The following ERO1B variants were observed in gnomAD, a reference collection of about 807,000 sequenced individuals.
ERO1B encodes the protein ERO1-like protein beta.
In ERO1B, 49 loss-of-function variants were observed where a neutral mutation model predicts 75.3. The observed-to-expected ratio is 0.65, with a 90% CI of 0.52 to 0.83. The LOEUF is 0.83. ERO1B is among the 40% of genes least tolerant of loss of function. The probability of loss-of-function intolerance (pLI) is 0.00; values close to 1 mark genes in which losing one functional copy is unlikely to be tolerated. For missense variants in ERO1B, 512 were observed against 560.1 expected (o/e 0.91, Z 0.87); for synonymous variants, 191 against 192.9 (o/e 0.99, Z 0.08).
chr1:236,281,544 C>A, intron 1 of ERO1B, 138 bp downstream of exon 1: 1 of 553,692 alleles, frequency 1.8e-6, no homozygotes. Flanking sequence ...CTCTGCTCCC[C>A]GGGTTTTCTG....
At chr1:236,233,599 A>AG (rs200961350) in intron 8 of ERO1B, among the ~76,000 whole-genome samples, 3 of 148,698 alleles carry the variant, frequency 2.0e-5, no homozygotes, top group Non-Finnish European at 3.0e-5. Context: ...CTCTGTCTCA[A>AG]GAAAAAAAAA....
intron 15 of ERO1B, among the ~76,000 whole-genome samples, chr1:236,219,858 C>T (rs1664092070): frequency 1.3e-5 from 2 of 151,486 alleles, no homozygotes; most frequent in African/African-American, 4.9e-5. Context: ...CCCATCTCTA[C>T]AAAAAAAATT....
Position 236,251,581 on chromosome 1 carries a change from C to T in ERO1B, c.348+469G>A, listed in dbSNP as rs751811424. 8.5e-5 allele frequency: 39 copies of T among 459,658 alleles called. 1 individual carries two copies. The highest frequency in any genetic ancestry group is 9.4e-5 in the Non-Finnish European group (33 of 349,252). 28.5% of individuals were successfully genotyped at this position (459,658 alleles called of 1,614,324 possible). ...GCAGTAGTGAAAAACAGGAAATAAA[C>T]GGTTCTCTAAAAACATATCAATGGC... On this transcript the variant is annotated intron_variant, in intron 4 of 15. Coordinates refer to ENST00000354619, the MANE Select transcript of ERO1B (RefSeq NM_019891.4).
rs547665943 is a variant in ERO1B, at chr1:236,255,268, T to C, written c.223-1763A>G. ...TTATATTTGCTGTCCTCTCTGCCTG[T>C]ATTATTGCTCCTCCAGATCTTATGA... On this transcript the variant is annotated intron_variant, in intron 2 of 15. Transcript: ENST00000354619. 1.8e-4 allele frequency among the ~76,000 whole-genome samples: 28 copies of C among 152,148 alleles called. No individual in the cohort carries two copies. The Middle Eastern group carries it at 0.014, about 74-fold the overall frequency.
chr1:236,258,697 G>A (rs929866373), intron 2 of ERO1B, among the ~76,000 whole-genome samples: 1 of 152,120 alleles, frequency 6.6e-6, no homozygotes, highest in Non-Finnish European at 1.5e-5. Flanking sequence ...GACCAGCCTG[G>A]CCAACGTGGT....
chr1:236,227,820 G>A (rs570331057), intron 10 of ERO1B, among the ~76,000 whole-genome samples: 20 of 152,056 alleles, frequency 1.3e-4, no homozygotes, highest in African/African-American at 4.3e-4. Context: ...TAATTCTTTT[G>A]AGTTCTCGTT....
intron 4 of ERO1B, 133 bp from the exon 5 acceptor site, chr1:236,250,100 C>T: frequency 2.1e-6 from 1 of 481,952 alleles, no homozygotes; most frequent in Non-Finnish European, 3.5e-6. Flanking sequence ...AAATCCCTAT[C>T]ATATGTAAGA....
chr1:236,221,967 T>G lies in ERO1B; in HGVS notation c.1166A>C (p.Asp389Ala), dbSNP rs963646642. ...LHFKNISRIMDCVGCDKCRLW... is the reference protein window; with the variant it reads ...LHFKNISRIMACVGCDKCRLW... ...TCTGCATTTGTCACATCCAACACAG[T>G]CCATTATACGGGAGATATTCTTGAA... Residue 389 changes from aspartate to alanine, a missense_variant, in exon 14 of 16, where the codon GAC (aspartate) becomes GCC (alanine). By Grantham distance (126) the Asp-to-Ala change is moderately radical. Transcript: ENST00000354619. The G allele has an allele frequency of 1.9e-6, 3 of 1,613,772 alleles. No individual in the cohort carries two copies. In the Admixed American group the frequency reaches 5.0e-5, roughly 27 times the overall value.
intron 1 of ERO1B, chr1:236,281,416 G>A (rs1665825929): frequency 6.0e-6 from 2 of 333,528 alleles, no homozygotes; most frequent in East Asian, 4.6e-5. Context: ...AGGAAAAAAC[G>A]AAAACAGCTC....
At chr1:236,263,732 T>A (rs1665344972) in intron 2 of ERO1B, among the ~76,000 whole-genome samples, 1 of 151,494 alleles carries the variant, frequency 6.6e-6, no homozygotes, top group Non-Finnish European at 1.5e-5. Context: ...TTCCTATATA[T>A]CTTATCTGTT....
intron 2 of ERO1B, among the ~76,000 whole-genome samples, chr1:236,265,324 G>A (rs1665410773): frequency 6.6e-6 from 1 of 152,084 alleles, no homozygotes; most frequent in East Asian, 1.9e-4. Flanking sequence ...CAACATCAAT[G>A]CAAGAATCAT....
intron 15 of ERO1B, among the ~76,000 whole-genome samples, chr1:236,219,979 G>A (rs1558503915): frequency 1.4e-5 from 2 of 141,364 alleles, no homozygotes; most frequent in East Asian, 2.1e-4. Context: ...AGCCATGATT[G>A]TGCCACTGCA....
Position 236,220,877 on chromosome 1 carries a change from TGGA to T in ERO1B, c.1295_1297del (p.Phe432_Gln433delinsTer). The T allele has an allele frequency of 6.3e-7, 1 of 1,598,736 alleles. No homozygotes were observed. Among genetic ancestry groups the T allele is most frequent in the Non-Finnish European group, 8.5e-7 (1 of 1,173,022 alleles). The stretch of plus-strand genomic sequence containing the variant: ...AGCAACTATTTCCTGTCGGGTGAGT[TGGA>T]AGCCTTTAGATGGACTATTCTCTGG... On this transcript the variant is annotated stop_gained and inframe_deletion, in exon 15 of 16. Transcript: ENST00000354619. LOFTEE classifies it high-confidence loss of function.
Position 236,226,830 on chromosome 1 carries a change from A to T in ERO1B, c.713-91T>A, listed in dbSNP as rs946101249. The T allele has an allele frequency of 8.4e-6, 7 of 837,328 alleles. No homozygotes were observed. The African/African-American group carries it at 1.2e-4, about 14-fold the overall frequency. The allele number at this position is 837,328 out of a possible 1,614,324, so 51.9% of individuals were successfully genotyped here. A position where few individuals can be genotyped will look rare whatever the true frequency, so the allele number is the denominator to read the frequency against. Reference sequence around the variant, plus strand: ...GGTTCAGTATGTAGGCTTATTTTTGATTGAAGAACATTAAAATAAATCAAG... The same window carrying T: ...GGTTCAGTATGTAGGCTTATTTTTGTTTGAAGAACATTAAAATAAATCAAG... On this transcript the variant is annotated intron_variant, in intron 10 of 15. Coordinates refer to ENST00000354619, the MANE Select transcript of ERO1B (RefSeq NM_019891.4).
At chr1:236,238,523 C>CTT (rs754277540) in intron 6 of ERO1B, among the ~76,000 whole-genome samples, 2 of 108,230 alleles carry the variant, frequency 1.8e-5, no homozygotes, top group East Asian at 4.9e-4. Context: ...GGGCAACAGC[C>CTT]TTTTTTTTTT....
rs764734864 is a variant in ERO1B at position 236,222,007 on chromosome 1, C to A, written c.1126G>T (p.Glu376Ter). The A allele has an allele frequency of 1.2e-6, 2 of 1,612,370 alleles. No individual in the cohort carries two copies. Among genetic ancestry groups the A allele is most frequent in the Non-Finnish European group, 8.5e-7 (1 of 1,178,678 alleles). The change falls in exon 14 of 16, where the codon GAA becomes TAA. Residue 376 changes from glutamate (E) to a stop codon, truncating the protein, a stop_gained. Coordinates refer to ENST00000354619, the MANE Select transcript of ERO1B (RefSeq NM_019891.4). LOFTEE classifies it high-confidence loss of function. The part of the protein sequence containing the change: ...DKKGAKSLKE[E>*]FRLHFKNISR... ...ATATTCTTGAAATGTAATCGGAATT[C>A]CTCCTAGCAAGCAGAAAATATTTTC...
At chr1:236,239,911 A>G (rs71532021) in intron 6 of ERO1B, among the ~76,000 whole-genome samples, 14 of 106,692 alleles carry the variant, frequency 1.3e-4, no homozygotes, top group South Asian at 3.0e-4. Context: ...ATATATATAT[A>G]TTTTTTTTTT....
chr1:236,258,799 G>C (rs1665226324), intron 2 of ERO1B, among the ~76,000 whole-genome samples: 1 of 152,188 alleles, frequency 6.6e-6, no homozygotes, highest in Admixed American at 6.5e-5. Flanking sequence ...CGAGTCAAGA[G>C]AATCACTTGA....
At chr1:236,271,454 G>A (rs1393605951) in intron 1 of ERO1B, among the ~76,000 whole-genome samples, 3 of 152,016 alleles carry the variant, frequency 2.0e-5, no homozygotes, top group African/African-American at 7.2e-5. Context: ...TTTGCTGTCC[G>A]ACTCACTAGG....
Sources: allele counts gnomAD v4.1 joint callset (sites outside exome capture counted in the v4.1 genomes callset), GRCh38; gene constraint gnomAD v4.1.1; transcripts MANE v1.5; gene names NCBI Gene and HGNC (gene_info 2026-07-23, HGNC 2026-07-21).